PDE4C: variants seen among roughly 807,000 people sequenced by gnomAD.
PDE4C encodes the protein 3',5'-cyclic-AMP phosphodiesterase 4C.
Under a neutral mutation model 63.9 loss-of-function variants are expected in PDE4C, and 50 were observed. That is an observed-to-expected ratio of 0.78 (90% CI 0.62 to 0.99). The LOEUF is 0.99. PDE4C is among the 50% of genes least tolerant of loss of function. The pLI, the probability that PDE4C is intolerant of heterozygous loss-of-function variation, is 0.00. For synonymous variants in PDE4C, 377 were observed against 385.1 expected (o/e 0.98, Z 0.25); for missense variants, 777 against 899.1 (o/e 0.86, Z 1.74).
At chr19:18,234,180 C>G (rs895358887), upstream of PDE4C, 1 of 152,414 alleles carries the variant, frequency 6.6e-6, no homozygotes, top group Non-Finnish European at 1.5e-5. Flanking sequence ...CAAAGCCATG[C>G]TGCAGCTGAG....
upstream of PDE4C, chr19:18,252,038 A>G: frequency 2.5e-6 from 1 of 398,614 alleles, no homozygotes. Context: ...ACCTCCCTAC[A>G]AACACCCAAA....
chr19:18,233,003 C>T (rs1421502567), exon 1 of PDE4C: 3 of 1,515,878 alleles, frequency 2.0e-6, no homozygotes, highest in African/African-American at 1.4e-5. Flanking sequence ...GCTCCGGCCG[C>T]GGGCTCAGGT....
At chr19:18,234,448 T>A (rs1196735837), upstream of PDE4C, among the ~76,000 whole-genome samples, 1 of 152,022 alleles carries the variant, frequency 6.6e-6, no homozygotes, top group Non-Finnish European at 1.5e-5. Context: ...GTCTCAGGGG[T>A]AATTTCCTGG....
chr19:18,214,675 G>A (rs1361150973), intron 12 of PDE4C, among the ~76,000 whole-genome samples: 4 of 152,022 alleles, frequency 2.6e-5, no homozygotes, highest in Admixed American at 2.6e-4. Context: ...CCAGCCGGGC[G>A]CCGTGGCTCA....
intron 13 of PDE4C, among the ~76,000 whole-genome samples, chr19:18,212,511 G>A (rs1226682502): frequency 7.1e-6 from 1 of 141,010 alleles, no homozygotes; most frequent in Non-Finnish European, 1.5e-5. Flanking sequence ...GTCTCACTCA[G>A]TTGCCCAGGC....
At chr19:18,234,342 G>A (rs1479969879), upstream of PDE4C, 3 of 152,374 alleles carry the variant, frequency 2.0e-5, no homozygotes, top group African/African-American at 7.2e-5. Context: ...AAAGGCCCAG[G>A]CCCCACCTCA....
At chr19:18,232,702 A>G (rs376355073) in intron 1 of PDE4C, among the ~76,000 whole-genome samples, 1 of 79,008 alleles carries the variant, frequency 1.3e-5, no homozygotes, top group Non-Finnish European at 2.9e-5. Context: ...GCGCGCGCAC[A>G]CACACACACA....
chr19:18,241,958 C>T (rs781454151), intron 1 of PDE4C, among the ~76,000 whole-genome samples: 3 of 152,138 alleles, frequency 2.0e-5, no homozygotes, highest in Non-Finnish European at 4.4e-5. Flanking sequence ...AAATAATTCA[C>T]CTCGTGTTAG....
chr19:18,246,010 A>AT (rs752230825), intron 1 of PDE4C, among the ~76,000 whole-genome samples: 8,119 of 127,584 alleles, frequency 0.064, 390 homozygotes, highest in African/African-American at 0.1. Flanking sequence ...TGCCCAGCTA[A>AT]TTTTTTTTTT....
chr19:18,226,175 G>A, intron 1 of PDE4C, 95 bp downstream of exon 1: 1 of 1,021,846 alleles, frequency 9.8e-7, no homozygotes, highest in Non-Finnish European at 1.5e-6. Context: ...TCCGGCCCCG[G>A]CCCCAGCTGT....
chr19:18,219,267 C>A, exon 8 of PDE4C: 1 of 1,614,162 alleles, frequency 6.2e-7, no homozygotes. Context: ...CAGTCTGGAC[C>A]CCAAAGCGTG....
chr19:18,237,942 T>C (rs1968980552), upstream of PDE4C, among the ~76,000 whole-genome samples: 1 of 150,538 alleles, frequency 6.6e-6, no homozygotes, highest in Admixed American at 6.6e-5. Context: ...TATTAACTAA[T>C]AATAGCATGC....
At chr19:18,235,650 C>A (rs570668640), upstream of PDE4C, among the ~76,000 whole-genome samples, 2 of 152,222 alleles carry the variant, frequency 1.3e-5, no homozygotes, top group South Asian at 4.1e-4. Flanking sequence ...CAACAGCAAC[C>A]ACAGGGAATT....
At chr19:18,217,064 G>A (rs192657112) in intron 11 of PDE4C, 169 bp from the exon 12 acceptor site, 2 of 663,246 alleles carry the variant, frequency 3.0e-6, no homozygotes, top group Admixed American at 3.3e-5. Flanking sequence ...CCTGACTGCA[G>A]GGCTAGGGTT....
chr19:18,238,458 G>A (rs1033621622), upstream of PDE4C, among the ~76,000 whole-genome samples: 1 of 151,456 alleles, frequency 6.6e-6, no homozygotes, highest in African/African-American at 2.4e-5. Flanking sequence ...GGCTGGTCTC[G>A]AACTCCTGAC....
chr19:18,242,777 T>A (rs936098886), intron 1 of PDE4C, among the ~76,000 whole-genome samples: 2 of 133,042 alleles, frequency 1.5e-5, no homozygotes, highest in African/African-American at 5.9e-5. Flanking sequence ...AGAGCAAGAC[T>A]TTCACCTCAA....
At chr19:18,223,209 AT>A (rs35666140) in intron 1 of PDE4C, among the ~76,000 whole-genome samples, 68,721 of 129,014 alleles carry the variant, frequency 0.53, 18,572 homozygotes, top group Non-Finnish European at 0.6. Context: ...CGCCCGGCTA[AT>A]TTTTTTTTTT....
intron 1 of PDE4C, among the ~76,000 whole-genome samples, chr19:18,244,714 G>A (rs1017758509): frequency 6.6e-6 from 1 of 151,930 alleles, no homozygotes; most frequent in Non-Finnish European, 1.5e-5. Context: ...GTTTCTCCAT[G>A]TCGATCAGGC....
upstream of PDE4C, chr19:18,252,329 G>A: frequency 2.5e-6 from 1 of 399,104 alleles, no homozygotes; most frequent in Non-Finnish European, 4.4e-6. Flanking sequence ...GGCTGAGGTG[G>A]GTTATGGAGT....
Sources: allele counts gnomAD v4.1 joint callset (sites outside exome capture counted in the v4.1 genomes callset), GRCh38; gene constraint gnomAD v4.1.1; transcripts MANE v1.5; gene names NCBI Gene and HGNC (gene_info 2026-07-23, HGNC 2026-07-21).